The following TRPC7 variants were observed in gnomAD, a reference collection of about 807,000 sequenced individuals.
TRPC7 encodes the protein transient receptor potential cation channel subfamily C member 7, also known as short transient receptor potential channel 7.
A neutral mutation model predicts 90.1 loss-of-function variants in TRPC7; 42 were observed. That is an observed-to-expected ratio of 0.47 (90% confidence interval 0.36 to 0.60). The LOEUF is 0.60. Among genes scored for constraint, TRPC7 ranks in the 20% least tolerant of loss-of-function variants. The probability of loss-of-function intolerance (pLI) is 0.00; values close to 1 mark genes in which losing one functional copy is unlikely to be tolerated. For missense variants in TRPC7, 955 were observed against 1,112.3 expected (o/e 0.86, Z 2.01); for synonymous variants, 451 against 436.3 (o/e 1.03, Z -0.42).
intron 3 of TRPC7, among the ~76,000 whole-genome samples, chr5:136,298,340 G>T (rs1758254478): frequency 6.6e-6 from 1 of 152,232 alleles, no homozygotes; most frequent in Non-Finnish European, 1.5e-5. Flanking sequence ...GGCAGCTGGA[G>T]ATCAGTGAGC....
At chr5:136,287,789 G>A (rs796381578) in intron 3 of TRPC7, among the ~76,000 whole-genome samples, 49 of 147,916 alleles carry the variant, frequency 3.3e-4, no homozygotes, top group African/African-American at 1.2e-3. Flanking sequence ...AGGACAGATT[G>A]CGGTGATCAG....
In TRPC7 at chr5:136,213,216, G is replaced by C; in HGVS notation, c.*219C>G. On this transcript the variant is annotated 3_prime_UTR_variant, in exon 12 of 12. Transcript: ENST00000513104. ...GGGCTGTTCCTCCCCTCCTCCCATGGTAGCTTTTCTTACCCAACCACCTAG... is the reference window on the plus strand; with the variant it reads ...GGGCTGTTCCTCCCCTCCTCCCATGCTAGCTTTTCTTACCCAACCACCTAG... The C allele has an allele frequency of 1.8e-6, 1 of 557,450 alleles. No individual in the cohort carries two copies. The highest frequency in any genetic ancestry group is 3.2e-6 in the Non-Finnish European group (1 of 314,420). 34.5% of individuals were successfully genotyped at this position (557,450 alleles called of 1,614,324 possible). A position where few individuals can be genotyped will look rare whatever the true frequency, so the allele number is the denominator to read the frequency against.
intron 3 of TRPC7, among the ~76,000 whole-genome samples, chr5:136,276,457 T>C (rs951027314): frequency 1.3e-5 from 2 of 152,248 alleles, no homozygotes; most frequent in African/African-American, 4.8e-5. Context: ...CATTCCCTTT[T>C]CATTACAAAA....
At chr5:136,232,863 CT>C (rs147123260) in intron 7 of TRPC7, among the ~76,000 whole-genome samples, 3,516 of 150,326 alleles carry the variant, frequency 0.023, 56 homozygotes, top group Middle Eastern at 0.041. Flanking sequence ...TAAGAAAGCA[CT>C]TTTTTTTTTC....
At position 136,357,301 on chromosome 5, in the gene TRPC7, GGGACCCCGGAT is replaced by G; in HGVS notation, c.76_86del (p.Ile26ArgfsTer23). 1 of 1,611,274 alleles carries G rather than the reference GGGACCCCGGAT, an allele frequency of 6.2e-7. No individual in the cohort carries two copies. The highest frequency in any genetic ancestry group is 8.5e-7 in the Non-Finnish European group (1 of 1,179,874). On this transcript the variant is annotated frameshift_variant, in exon 2 of 12. Coordinates refer to ENST00000513104, the MANE Select transcript of TRPC7 (RefSeq NM_020389.3). LOFTEE classifies it high-confidence loss of function. ...TGCCCTTCTCGTTGAACATGTAGGC[GGGACCCCGGAT>G]GGCCTGGCGACGGCCCTTCTCCCTC...
chr5:136,245,159 G>C (rs1229370781), intron 7 of TRPC7, among the ~76,000 whole-genome samples: 1 of 152,190 alleles, frequency 6.6e-6, no homozygotes, highest in Non-Finnish European at 1.5e-5. Context: ...GTCAGTAAGA[G>C]GCCGAGCTCA....
At position 136,315,627 on chromosome 5, in the gene TRPC7, G is replaced by A. The variant is rs1758990311; in HGVS notation, c.933C>T (p.Ile311=). Residue 311 remains isoleucine (I), a synonymous_variant, in exon 3 of 12, where the codon ATC becomes ATT. Transcript: ENST00000513104. ...SDHHRPSLSR[I]KLAIKYEVKK... ...TGACTTCATATTTAATGGCGAGTTT[G>A]ATCCGGCTCAGACTTGGACGGTGGT... The A allele has an allele frequency of 1.9e-6, 3 of 1,613,780 alleles. No individual in the cohort carries two copies. In the African/African-American group the frequency reaches 4.0e-5, roughly 22 times the overall value.
At chr5:136,345,663 GA>G (rs1348544959) in intron 2 of TRPC7, among the ~76,000 whole-genome samples, 1 of 152,174 alleles carries the variant, frequency 6.6e-6, no homozygotes, top group African/African-American at 2.4e-5. Flanking sequence ...TGTTCACTCT[GA>G]TGGTAGTTTC....
intron 2 of TRPC7, among the ~76,000 whole-genome samples, chr5:136,334,294 A>G (rs1580967424): frequency 6.6e-6 from 1 of 152,256 alleles, no homozygotes; most frequent in African/African-American, 2.4e-5. Context: ...TATAGAAGTG[A>G]CTTTTTAAAA....
intron 10 of TRPC7, among the ~76,000 whole-genome samples, chr5:136,223,521 G>C (rs926254191): frequency 1.3e-5 from 2 of 152,082 alleles, no homozygotes; most frequent in South Asian, 2.1e-4. Flanking sequence ...GCTGAGACAA[G>C]AGAATCACTT....
At chr5:136,329,324 A>G (rs1463608947) in intron 2 of TRPC7, among the ~76,000 whole-genome samples, 1 of 152,200 alleles carries the variant, frequency 6.6e-6, no homozygotes, top group Non-Finnish European at 1.5e-5. Context: ...TATGCCAGGC[A>G]CTGAGAATGT....
intron 5 of TRPC7, among the ~76,000 whole-genome samples, chr5:136,253,133 A>G (rs1278940891): frequency 6.6e-6 from 1 of 152,232 alleles, no homozygotes; most frequent in African/African-American, 2.4e-5. Flanking sequence ...TACATGTTGC[A>G]GTGATTAATA....
chr5:136,218,099 AAT>A (rs1293216437), intron 10 of TRPC7, among the ~76,000 whole-genome samples: 1 of 146,314 alleles, frequency 6.8e-6, no homozygotes, highest in African/African-American at 2.5e-5. Flanking sequence ...TGAGATATAT[AAT>A]ATATATTTGA....
chr5:136,254,241 C>T (rs931992570), intron 5 of TRPC7, among the ~76,000 whole-genome samples: 10 of 152,294 alleles, frequency 6.6e-5, no homozygotes, highest in East Asian at 3.9e-4. Context: ...CAGTAAACCA[C>T]GGATTTTTGA....
chr5:136,266,193 A>T (rs1380232374), intron 5 of TRPC7, 27 bp downstream of exon 5: 9 of 1,576,424 alleles, frequency 5.7e-6, no homozygotes, highest in Non-Finnish European at 7.9e-6. Context: ...TAGCAAGGAG[A>T]GAATAAAAAT....
chr5:136,357,500 T>C (rs773338902), intron 1 of TRPC7, 115 bp from the exon 2 acceptor site: 4 of 1,089,138 alleles, frequency 3.7e-6, no homozygotes, highest in Admixed American at 5.7e-5. Context: ...TATGAGGAAT[T>C]GTGCAATCTT....
At chr5:136,231,270 T>G in intron 8 of TRPC7, 84 bp downstream of exon 8, 1 of 1,224,412 alleles carries the variant, frequency 8.2e-7, no homozygotes, top group Non-Finnish European at 1.1e-6. Flanking sequence ...ACACATGGGC[T>G]TCTAACATCA....
intron 2 of TRPC7, among the ~76,000 whole-genome samples, chr5:136,344,864 A>G (rs1296659594): frequency 3.9e-5 from 6 of 152,214 alleles, no homozygotes; most frequent in Admixed American, 3.9e-4. Flanking sequence ...GAAATAGAGT[A>G]GTAGGTAGCA....
chr5:136,284,911 G>A (rs1315645696), intron 3 of TRPC7, among the ~76,000 whole-genome samples: 4 of 152,214 alleles, frequency 2.6e-5, no homozygotes, highest in Non-Finnish European at 5.9e-5. Context: ...GACTGCCTGT[G>A]TGAGATTGAG....
Sources: allele counts gnomAD v4.1 joint callset (sites outside exome capture counted in the v4.1 genomes callset), GRCh38; gene constraint gnomAD v4.1.1; transcripts MANE v1.5; gene names NCBI Gene and HGNC (gene_info 2026-07-23, HGNC 2026-07-21).